DSCAM: variants seen among roughly 807,000 people sequenced by gnomAD.
The protein encoded by DSCAM is cell adhesion molecule DSCAM.
A neutral mutation model predicts 217.7 loss-of-function variants in DSCAM; 47 were observed. That is an observed-to-expected ratio of 0.22 (90% CI 0.17 to 0.28). DSCAM has a LOEUF of 0.28. DSCAM is among the 10% of genes least tolerant of loss of function. The pLI is 1.00. For synonymous variants in DSCAM, 1,056 were observed against 1,015.3 expected (o/e 1.04, Z -0.76); for missense variants, 2,080 against 2,618.3 (o/e 0.79, Z 4.49).
At chr21:40,173,728 T>G (rs929002249) in intron 15 of DSCAM, among the ~76,000 whole-genome samples, 2 of 152,254 alleles carry the variant, frequency 1.3e-5, no homozygotes, top group South Asian at 4.2e-4. Flanking sequence ...GAAACTCTTC[T>G]TCCAGATCAC....
At chr21:40,290,365 G>A (rs544894657) in intron 10 of DSCAM, among the ~76,000 whole-genome samples, 1 of 152,202 alleles carries the variant, frequency 6.6e-6, no homozygotes, top group Non-Finnish European at 1.5e-5. Flanking sequence ...GCTCACGTCT[G>A]TAATCCCAGC....
chr21:40,807,838 G>A (rs1245673533), intron 1 of DSCAM, among the ~76,000 whole-genome samples: 1 of 152,078 alleles, frequency 6.6e-6, no homozygotes, highest in Non-Finnish European at 1.5e-5. Flanking sequence ...TCTGTCCGAG[G>A]GGTATTTTTA....
At chr21:40,335,795 A>T (rs1443566850) in intron 8 of DSCAM, among the ~76,000 whole-genome samples, 1 of 152,200 alleles carries the variant, frequency 6.6e-6, no homozygotes, top group Non-Finnish European at 1.5e-5. Flanking sequence ...GTGATCTGTA[A>T]GAAGAAAATC....
chr21:40,745,939 T>C (rs1005002209), intron 1 of DSCAM, among the ~76,000 whole-genome samples: 12 of 152,122 alleles, frequency 7.9e-5, no homozygotes, highest in African/African-American at 2.9e-4. Context: ...TAGTTTGTTT[T>C]TCTTGCTTTA....
chr21:40,577,879 C>G (rs966031393), intron 3 of DSCAM, among the ~76,000 whole-genome samples: 1 of 152,072 alleles, frequency 6.6e-6, no homozygotes, highest in African/African-American at 2.4e-5. Flanking sequence ...GGATACAGCT[C>G]GCCACAGTAT....
At chr21:40,044,359 C>A in intron 30 of DSCAM, 84 bp from the exon 31 acceptor site, 1 of 1,376,144 alleles carries the variant, frequency 7.3e-7, no homozygotes, top group Non-Finnish European at 9.9e-7. Context: ...GTGCCACCCA[C>A]CCAGCACTGC....
intron 3 of DSCAM, among the ~76,000 whole-genome samples, chr21:40,606,256 G>A (rs1373329978): frequency 6.6e-6 from 1 of 152,168 alleles, no homozygotes; most frequent in East Asian, 1.9e-4. Context: ...CTCTGTCTCA[G>A]TGTTGGTGTT....
chr21:40,051,620 A>G (rs1053001792), intron 30 of DSCAM, among the ~76,000 whole-genome samples: 1 of 152,198 alleles, frequency 6.6e-6, no homozygotes, highest in Non-Finnish European at 1.5e-5. Flanking sequence ...CGTGCATGAC[A>G]TCATCGTTCT....
At position 40,324,038 on chromosome 21, in the gene DSCAM, G is replaced by C. The variant is rs2074288834; in HGVS notation, c.1784-11679C>G. Reference sequence around the variant, plus strand: ...GAATTGCTTGAACCCAGGAAGCAGAGATTGCAGTGAGCCGATATTGTGCCA... The same window carrying C: ...GAATTGCTTGAACCCAGGAAGCAGACATTGCAGTGAGCCGATATTGTGCCA... On this transcript the variant is annotated intron_variant, in intron 8 of 32. Transcript: ENST00000400454. 4.0e-5 allele frequency among the ~76,000 whole-genome samples: 5 copies of C among 126,232 alleles called. No individual in the cohort carries two copies. The South Asian group carries it at 1.4e-3, about 35-fold the overall frequency. 82.8% of individuals were successfully genotyped at this position (126,232 alleles called of 152,430 possible). A position where few individuals can be genotyped will look rare whatever the true frequency, so the allele number is the denominator to read the frequency against.
chr21:40,637,606 A>AATATATATCTATATATATAT (rs1555874999), intron 3 of DSCAM, among the ~76,000 whole-genome samples: 1 of 36,790 alleles, frequency 2.7e-5, no homozygotes, highest in African/African-American at 9.3e-5. Flanking sequence ...TATATATATA[A>AATATATATCTATATATATAT]ATATATATAA....
chr21:40,836,239 T>A (rs562341171), intron 1 of DSCAM, among the ~76,000 whole-genome samples: 2 of 152,214 alleles, frequency 1.3e-5, no homozygotes, highest in Non-Finnish European at 2.9e-5. Flanking sequence ...GCTTCTCTGC[T>A]GGGACTCCAG....
chr21:40,070,307 GGAAGGAAGGATAGAAGGAAA>G (rs1405531234), intron 27 of DSCAM, among the ~76,000 whole-genome samples: 1 of 144,038 alleles, frequency 6.9e-6, no homozygotes, highest in Non-Finnish European at 1.5e-5. Flanking sequence ...GGAGAGAGAA[GGAAGGAAGGATAGAAGGAAA>G]GAAGGAAGGT....
chr21:40,599,477 T>C lies in DSCAM; in HGVS notation c.508+93333A>G, dbSNP rs1045671916. Among the ~76,000 whole-genome samples, 6 of 152,126 alleles carry C rather than the reference T, an allele frequency of 3.9e-5. No homozygotes were observed. The South Asian group carries it at 1.2e-3, about 32-fold the overall frequency. On this transcript the variant is annotated intron_variant, in intron 3 of 32. Coordinates refer to ENST00000400454, the MANE Select transcript of DSCAM (RefSeq NM_001389.5). ...CTAAAGCAGTGTTAAGAGGGAAATT[T>C]ATAGCACTAAATGCCCACATCAGAA...
At chr21:40,028,995 G>A (rs535146920) in intron 32 of DSCAM, among the ~76,000 whole-genome samples, 23 of 151,920 alleles carry the variant, frequency 1.5e-4, no homozygotes, top group African/African-American at 5.1e-4. Flanking sequence ...GAATTTGCCT[G>A]TACAATTACA....
chr21:40,333,835 G>A (rs530595564), intron 8 of DSCAM, among the ~76,000 whole-genome samples: 6 of 152,164 alleles, frequency 3.9e-5, no homozygotes, highest in Non-Finnish European at 7.4e-5. Context: ...CTACAGGTGC[G>A]TACCACATCA....
intron 32 of DSCAM, among the ~76,000 whole-genome samples, chr21:40,021,165 C>CGT (rs1382711170): frequency 7.7e-6 from 1 of 129,452 alleles, no homozygotes; most frequent in Non-Finnish European, 1.5e-5. Context: ...AAGAAAGAAA[C>CGT]GTAGCACTCT....
chr21:40,750,383 C>T (rs1188241895), intron 1 of DSCAM, among the ~76,000 whole-genome samples: 5 of 152,176 alleles, frequency 3.3e-5, no homozygotes, highest in African/African-American at 1.2e-4. Context: ...TGGTTTCCCT[C>T]TGATAGGAAT....
chr21:40,535,023 G>A (rs369514922), intron 3 of DSCAM, among the ~76,000 whole-genome samples: 27 of 152,210 alleles, frequency 1.8e-4, no homozygotes, highest in African/African-American at 6.5e-4. Context: ...CCAAGAGGTG[G>A]TCACAGTTAA....
chr21:40,449,355 T>C (rs1027042937), intron 3 of DSCAM, among the ~76,000 whole-genome samples: 1 of 152,180 alleles, frequency 6.6e-6, no homozygotes, highest in Non-Finnish European at 1.5e-5. Context: ...TTTATATACA[T>C]GACTATTTCT....
Sources: gnomAD v4.1 joint callset for allele counts (sites outside exome capture counted in the v4.1 genomes callset) on GRCh38, gnomAD v4.1.1 for gene constraint, MANE v1.5 for transcripts, NCBI Gene and HGNC (gene_info 2026-07-23, HGNC 2026-07-21) for gene names.